The following NELL1 variants were observed in gnomAD, a reference collection of about 807,000 sequenced individuals.
NELL1 encodes protein kinase C-binding protein NELL1.
A neutral mutation model predicts 107.4 loss-of-function variants in NELL1; 76 were observed. That is an observed-to-expected ratio of 0.71 (90% confidence interval 0.59 to 0.86). The LOEUF is 0.86. Among genes scored for constraint, NELL1 ranks in the 40% least tolerant of loss-of-function variants. The pLI, the probability that NELL1 is intolerant of heterozygous loss-of-function variation, is 0.00. For synonymous variants in NELL1, 353 were observed against 341.2 expected (o/e 1.03, Z -0.38); for missense variants, 1,024 against 1,005.5 (o/e 1.02, Z -0.25).
Position 21,243,106 on chromosome 11 carries a change from G to A in NELL1, c.1549+13652G>A, listed in dbSNP as rs191395299. Reference sequence around the variant, plus strand: ...TCTATCACCCTACTCATTTGAGGATGATGCCATTTTTAATGTGGTATATTC... The same window carrying A: ...TCTATCACCCTACTCATTTGAGGATAATGCCATTTTTAATGTGGTATATTC... On this transcript the variant is annotated intron_variant, in intron 14 of 19. Transcript: ENST00000357134. Among the ~76,000 whole-genome samples the A allele has an allele frequency of 6.6e-5, 10 of 152,182 alleles. No individual in the cohort carries two copies. In the East Asian group the frequency reaches 1.9e-3, roughly 29 times the overall value.
At chr11:21,370,977 G>C in intron 15 of NELL1, 29 bp downstream of exon 15, 1 of 1,492,288 alleles carries the variant, frequency 6.7e-7, no homozygotes, top group Non-Finnish European at 9.3e-7. Flanking sequence ...TGGGGGATAG[G>C]GACAAAGATT....
intron 14 of NELL1, among the ~76,000 whole-genome samples, chr11:21,294,406 C>T (rs1849332734): frequency 6.6e-6 from 1 of 151,976 alleles, no homozygotes. Flanking sequence ...ATCATATGTA[C>T]CTTGAGAGTA....
intron 15 of NELL1, among the ~76,000 whole-genome samples, chr11:21,472,279 C>T (rs1474306897): frequency 6.6e-6 from 1 of 152,022 alleles, no homozygotes; most frequent in Non-Finnish European, 1.5e-5. Context: ...GCAAACCCTC[C>T]TCTGCCTCCA....
Position 20,674,969 on chromosome 11 carries a change from T to C in NELL1, c.56-2963T>C, listed in dbSNP as rs111361504. ...TCAGTGGCTTAAAGCAAACCATTGA[T>C]TTTGGTTCACATATCTGTAAATTGT... On this transcript the variant is annotated intron_variant, in intron 1 of 19. Coordinates refer to ENST00000357134, the MANE Select transcript of NELL1 (RefSeq NM_006157.5). 5.3e-3 allele frequency among the ~76,000 whole-genome samples: 801 copies of C among 152,280 alleles called. 11 individuals are homozygous for C. The highest frequency in any genetic ancestry group is 0.018 in the African/African-American group (767 of 41,542).
At chr11:21,050,624 A>G (rs10741864) in intron 12 of NELL1, among the ~76,000 whole-genome samples, 58,450 of 151,996 alleles carry the variant, frequency 0.38, 14,186 homozygotes, top group African/African-American at 0.68. Flanking sequence ...AGTAAGAACT[A>G]CTTCTAAAGA....
rs760972189 is a variant in NELL1 at position 21,174,744 on chromosome 11, G to A, written c.1427-54588G>A. ...ATTCACATGATGCATTAATTCCCTG[G>A]GAATGCTCAGATTAGCTATAATATG... On this transcript the variant is annotated intron_variant, in intron 13 of 19. Transcript: ENST00000357134. 5.2e-4 allele frequency among the ~76,000 whole-genome samples: 79 copies of A among 151,712 alleles called. 2 individuals are homozygous for A. The highest frequency in any genetic ancestry group is 1.3e-4 in the Non-Finnish European group (9 of 67,968).
chr11:21,570,008 A>AT (rs1274212684), intron 17 of NELL1, among the ~76,000 whole-genome samples: 1 of 151,880 alleles, frequency 6.6e-6, no homozygotes, highest in Non-Finnish European at 1.5e-5. Flanking sequence ...AGCAACAGAC[A>AT]TAAAAAAAAG....
At chr11:20,962,501 A>G (rs1371852760) in intron 12 of NELL1, among the ~76,000 whole-genome samples, 1 of 152,174 alleles carries the variant, frequency 6.6e-6, no homozygotes, top group African/African-American at 2.4e-5. Flanking sequence ...CAGCATAGCC[A>G]CCATTCCTGA....
intron 3 of NELL1, among the ~76,000 whole-genome samples, chr11:20,838,014 G>T (rs1023255756): frequency 1.3e-5 from 2 of 151,944 alleles, no homozygotes; most frequent in Non-Finnish European, 2.9e-5. Flanking sequence ...AGGGGGAAGA[G>T]TATTTTTATA....
rs116289653 is a variant in NELL1, at chr11:21,500,522, C to T, written c.1646-33852C>T. Reference sequence around the variant, plus strand: ...TTTATGACTTTAATATTTTATTTCACCACAATATTTATAATCAGTTTGACC... The same window carrying T: ...TTTATGACTTTAATATTTTATTTCATCACAATATTTATAATCAGTTTGACC... On this transcript the variant is annotated intron_variant, in intron 15 of 19. Coordinates refer to ENST00000357134, the MANE Select transcript of NELL1 (RefSeq NM_006157.5). 1.5e-3 allele frequency among the ~76,000 whole-genome samples: 224 copies of T among 152,116 alleles called. 1 individual carries two copies. Among genetic ancestry groups the T allele is most frequent in the African/African-American group, 5.3e-3 (219 of 41,540 alleles).
intron 11 of NELL1, among the ~76,000 whole-genome samples, chr11:20,949,243 C>T (rs1880084): frequency 0.19 from 28,246 of 152,132 alleles, 3,365 homozygotes; most frequent in Non-Finnish European, 0.27. Context: ...CTTAGGCTTT[C>T]TGTGTTTGGT....
intron 15 of NELL1, among the ~76,000 whole-genome samples, chr11:21,532,380 C>T (rs899300195): frequency 3.9e-5 from 6 of 152,214 alleles, no homozygotes; most frequent in African/African-American, 1.4e-4. Context: ...CATCATTCAA[C>T]ACTTCTGTTC....
intron 14 of NELL1, among the ~76,000 whole-genome samples, chr11:21,254,635 T>G (rs1336459962): frequency 1.3e-5 from 2 of 152,072 alleles, no homozygotes; most frequent in Non-Finnish European, 2.9e-5. Context: ...TTCAAAAATC[T>G]CTGGCCAGGC....
chr11:20,878,253 G>A (rs907292064), intron 4 of NELL1, among the ~76,000 whole-genome samples: 6 of 150,914 alleles, frequency 4.0e-5, no homozygotes, highest in African/African-American at 7.3e-5. Flanking sequence ...CCAGCTACTC[G>A]GGAGGCTGAG....
Position 21,119,362 on chromosome 11 carries a change from C to G in NELL1, c.1426+5648C>G, listed in dbSNP as rs1855309644. ...CAGAACAGGAAACTTTAGCTCTTAC[C>G]CAACATTTTTCTTGCTAAAAATTGA... On this transcript the variant is annotated intron_variant, in intron 13 of 19. Coordinates refer to ENST00000357134, the MANE Select transcript of NELL1 (RefSeq NM_006157.5). 2.7e-5 allele frequency among the ~76,000 whole-genome samples: 4 copies of G among 147,688 alleles called. No individual in the cohort carries two copies. The Admixed American group carries it at 2.7e-4, about 10-fold the overall frequency.
chr11:20,707,697 C>T lies in NELL1; in HGVS notation c.184+29637C>T, dbSNP rs141854357. ...CTGCAGAATAGCAAGTATTGCAGAA[C>T]GGCAGATGTTGCTGTCTGATCCTTC... On this transcript the variant is annotated intron_variant, in intron 2 of 19. Coordinates refer to ENST00000357134, the MANE Select transcript of NELL1 (RefSeq NM_006157.5). 2.6e-3 allele frequency among the ~76,000 whole-genome samples: 398 copies of T among 152,260 alleles called. 2 individuals are homozygous for T. Among genetic ancestry groups the T allele is most frequent in the Middle Eastern group, 0.014 (4 of 294 alleles).
chr11:21,531,669 A>G (rs1200994110), intron 15 of NELL1, among the ~76,000 whole-genome samples: 2 of 152,182 alleles, frequency 1.3e-5, no homozygotes, highest in Non-Finnish European at 2.9e-5. Flanking sequence ...ACACATTGTG[A>G]GTGCAGCCAG....
Position 21,289,083 on chromosome 11 carries a change from G to C in NELL1, c.1549+59629G>C, listed in dbSNP as rs532501134. 1.2e-4 allele frequency among the ~76,000 whole-genome samples: 19 copies of C among 152,296 alleles called. No individual in the cohort carries two copies. The East Asian group carries it at 3.5e-3, about 28-fold the overall frequency. On this transcript the variant is annotated intron_variant, in intron 14 of 19. Coordinates refer to ENST00000357134, the MANE Select transcript of NELL1 (RefSeq NM_006157.5). Reference sequence around the variant, plus strand: ...ATAGGGTAGACCAGATATAAGAATGGGGGAACAAATTCTGACTCTTGATGA... The same window carrying C: ...ATAGGGTAGACCAGATATAAGAATGCGGGAACAAATTCTGACTCTTGATGA...
intron 15 of NELL1, among the ~76,000 whole-genome samples, chr11:21,508,757 C>T (rs1015210900): frequency 6.6e-6 from 1 of 150,650 alleles, no homozygotes; most frequent in Non-Finnish European, 1.5e-5. Flanking sequence ...AGAATCATCT[C>T]AAATAGAAAA....
Sources: allele counts gnomAD v4.1 joint callset (sites outside exome capture counted in the v4.1 genomes callset), GRCh38; gene constraint gnomAD v4.1.1; transcripts MANE v1.5; gene names NCBI Gene and HGNC (gene_info 2026-07-23, HGNC 2026-07-21).